Variants in SLC44A5 observed in about 807,000 individuals in gnomAD.
The protein encoded by SLC44A5 is solute carrier family 44 member 5, also known as choline transporter-like protein 5.
Under a neutral mutation model 101.8 loss-of-function variants are expected in SLC44A5, and 57 were observed. The ratio of observed to expected loss-of-function variants is 0.56; its 90% CI spans 0.45 to 0.70. The LOEUF is 0.70. Among genes scored for constraint, SLC44A5 ranks in the 30% least tolerant of loss-of-function variants. The pLI, the probability that SLC44A5 is intolerant of heterozygous loss-of-function variation, is 0.00. For missense variants in SLC44A5, 737 were observed against 853.1 expected (o/e 0.86, Z 1.70); for synonymous variants, 281 against 290.9 (o/e 0.97, Z 0.35).
intron 2 of SLC44A5, among the ~76,000 whole-genome samples, chr1:75,483,570 T>A (rs1570419271): frequency 6.6e-6 from 1 of 152,172 alleles, no homozygotes; most frequent in East Asian, 1.9e-4. Flanking sequence ...CCCTTCTTTT[T>A]AATGAAATAA....
At chr1:75,578,354 CTCT>C (rs759671732) in intron 1 of SLC44A5, among the ~76,000 whole-genome samples, 2 of 152,118 alleles carry the variant, frequency 1.3e-5, no homozygotes, top group African/African-American at 2.4e-5. Flanking sequence ...CAATATTTTT[CTCT>C]TGTCATTCTC....
At chr1:75,634,779 A>T in the SLC44A5 span, among the ~76,000 whole-genome samples, 4 of 152,084 alleles carry the variant, frequency 2.6e-5, no homozygotes, top group Admixed American at 2.0e-4. Flanking sequence ...TAAAACACCA[A>T]AAGCAATGGC....
intron 1 of SLC44A5, among the ~76,000 whole-genome samples, chr1:75,553,903 G>A (rs2101987928): frequency 6.6e-6 from 1 of 152,140 alleles, no homozygotes; most frequent in Non-Finnish European, 1.5e-5. Context: ...AGGAGGAGGA[G>A]GAGGAGGAGG....
At chr1:75,323,874 T>C (rs190848796) in intron 4 of SLC44A5, among the ~76,000 whole-genome samples, 88 of 152,326 alleles carry the variant, frequency 5.8e-4, no homozygotes, top group Admixed American at 1.2e-3. Context: ...TTCAGCATAC[T>C]AGTATTTCAA....
intron 4 of SLC44A5, among the ~76,000 whole-genome samples, chr1:75,304,010 C>T (rs1654716961): frequency 6.6e-6 from 1 of 151,900 alleles, no homozygotes; most frequent in South Asian, 2.1e-4. Context: ...TGCTTTATCC[C>T]TTAAACAAAA....
upstream of SLC44A5, among the ~76,000 whole-genome samples, chr1:75,611,450 C>T (rs1311983944): frequency 1.3e-5 from 2 of 152,086 alleles, no homozygotes; most frequent in Admixed American, 6.6e-5. Context: ...ACCCCATATC[C>T]CACTTACCAA....
upstream of SLC44A5, chr1:75,615,806 C>A (rs921723000): frequency 1.1e-6 from 1 of 951,080 alleles, no homozygotes; most frequent in Non-Finnish European, 1.3e-6. Flanking sequence ...GGGCAGAGGG[C>A]GGGTGAGAGA....
At chr1:75,705,863 G>A in the SLC44A5 span, among the ~76,000 whole-genome samples, 1 of 152,144 alleles carries the variant, frequency 6.6e-6, no homozygotes, top group African/African-American at 2.4e-5. Context: ...ATTTTTAGTA[G>A]AGATGGGTTT....
At chr1:75,562,183 T>C (rs1672554517) in intron 1 of SLC44A5, among the ~76,000 whole-genome samples, 1 of 152,136 alleles carries the variant, frequency 6.6e-6, no homozygotes. Flanking sequence ...AACTCCTTCT[T>C]GGAGGTAGTC....
intron 5 of SLC44A5, among the ~76,000 whole-genome samples, chr1:75,299,776 C>T (rs149907442): frequency 0.013 from 2,039 of 151,156 alleles, 29 homozygotes; most frequent in Middle Eastern, 0.021. Context: ...TTTGGGAGGC[C>T]GAGGGGGGCA....
chr1:75,371,810 C>T (rs1461465854), intron 3 of SLC44A5, among the ~76,000 whole-genome samples: 1 of 152,148 alleles, frequency 6.6e-6, no homozygotes, highest in African/African-American at 2.4e-5. Flanking sequence ...GTTTTTCACA[C>T]AGGTGAGGAA....
chr1:75,325,088 A>T (rs536133296), intron 4 of SLC44A5, among the ~76,000 whole-genome samples: 1 of 152,276 alleles, frequency 6.6e-6, no homozygotes, highest in South Asian at 2.1e-4. Context: ...TTCTCAACAC[A>T]ACCAGGGTAA....
chr1:75,456,845 T>C (rs1666211838), intron 2 of SLC44A5, among the ~76,000 whole-genome samples: 1 of 152,264 alleles, frequency 6.6e-6, no homozygotes, highest in African/African-American at 2.4e-5. Context: ...TTGCCACAGT[T>C]ATAAGAAGCA....
intron 2 of SLC44A5, among the ~76,000 whole-genome samples, chr1:75,475,990 C>G (rs1209918305): frequency 6.6e-6 from 1 of 152,144 alleles, no homozygotes; most frequent in Non-Finnish European, 1.5e-5. Context: ...AAAGACCAGC[C>G]TGACCAATAT....
intron 4 of SLC44A5, among the ~76,000 whole-genome samples, chr1:75,330,199 A>G (rs1478610637): frequency 6.9e-6 from 1 of 144,044 alleles, no homozygotes. Flanking sequence ...GTATATGCAT[A>G]TATATATATT....
intron 1 of SLC44A5, among the ~76,000 whole-genome samples, chr1:75,572,625 G>A (rs1673131562): frequency 6.6e-6 from 1 of 152,100 alleles, no homozygotes; most frequent in South Asian, 2.1e-4. Context: ...AGAAAGACTG[G>A]GAGTTATAAT....
At chr1:75,617,233 CCTT>C in the SLC44A5 span, among the ~76,000 whole-genome samples, 3 of 152,074 alleles carry the variant, frequency 2.0e-5, no homozygotes, top group African/African-American at 4.8e-5. Context: ...TTCGCAGTGA[CCTT>C]CTTAACACTT....
chr1:75,532,838 G>A (rs535783245), intron 2 of SLC44A5, among the ~76,000 whole-genome samples: 2 of 152,190 alleles, frequency 1.3e-5, no homozygotes, highest in African/African-American at 4.8e-5. Flanking sequence ...TCAAGAGTTC[G>A]AGACAAGCCT....
chr1:75,333,607 T>C (rs1376027108), intron 4 of SLC44A5, among the ~76,000 whole-genome samples: 1 of 152,184 alleles, frequency 6.6e-6, no homozygotes, highest in Non-Finnish European at 1.5e-5. Flanking sequence ...CCAGGCACTG[T>C]GCTATGTGCT....
Sources: allele counts gnomAD v4.1 joint callset (sites outside exome capture counted in the v4.1 genomes callset), GRCh38; gene constraint gnomAD v4.1.1; transcripts MANE v1.5; gene names NCBI Gene and HGNC (gene_info 2026-07-23, HGNC 2026-07-21).